The following SLC28A3 variants were observed in gnomAD, a reference collection of about 807,000 sequenced individuals.
The protein encoded by SLC28A3 is solute carrier family 28 member 3, also known as concentrative Na(+)-nucleoside cotransporter 3.
In SLC28A3, 68 loss-of-function variants were observed where a neutral mutation model predicts 84.2. That is an observed-to-expected ratio of 0.81 (90% CI 0.66 to 0.99). The LOEUF is 0.99. Among genes scored for constraint, SLC28A3 ranks in the 50% least tolerant of loss-of-function variants. The pLI is 0.00. For synonymous variants in SLC28A3, 267 were observed against 303.6 expected (o/e 0.88, Z 1.25); for missense variants, 712 against 841.5 (o/e 0.85, Z 1.90).
intron 1 of SLC28A3, among the ~76,000 whole-genome samples, chr9:84,318,232 G>A (rs1214805734): frequency 6.6e-6 from 1 of 152,182 alleles, no homozygotes; most frequent in Non-Finnish European, 1.5e-5. Context: ...TGTGGGTTTA[G>A]AGGCCAGGTA....
intron 3 of SLC28A3, among the ~76,000 whole-genome samples, chr9:84,308,473 G>C (rs375465790): frequency 6.6e-6 from 1 of 151,874 alleles, no homozygotes; most frequent in Non-Finnish European, 1.5e-5. Flanking sequence ...TTGAACCCGG[G>C]AGATGGAGGT....
At chr9:84,348,302 C>T in the SLC28A3 span, among the ~76,000 whole-genome samples, 2 of 149,348 alleles carry the variant, frequency 1.3e-5, no homozygotes, top group African/African-American at 2.5e-5. Flanking sequence ...TGCAGTGAGC[C>T]GAGATCACAG....
chr9:84,321,321 T>C (rs917361097), intron 1 of SLC28A3, among the ~76,000 whole-genome samples: 1 of 152,158 alleles, frequency 6.6e-6, no homozygotes, highest in Admixed American at 6.5e-5. Context: ...ACTTTCAGAC[T>C]GCAAGGTGAT....
At chr9:84,314,860 C>T (rs569148574) in intron 1 of SLC28A3, among the ~76,000 whole-genome samples, 32 of 152,154 alleles carry the variant, frequency 2.1e-4, no homozygotes, top group Non-Finnish European at 4.1e-4. Context: ...GGGCGGATCA[C>T]GAGGTCAGGA....
At chr9:84,297,834 G>A in intron 7 of SLC28A3, 72 bp downstream of exon 7, 2 of 1,256,016 alleles carry the variant, frequency 1.6e-6, no homozygotes, top group Non-Finnish European at 1.1e-6. Context: ...ACCCATTTCT[G>A]ACACGTCTTG....
intron 8 of SLC28A3, among the ~76,000 whole-genome samples, chr9:84,296,599 A>C (rs557531778): frequency 2.8e-4 from 42 of 152,348 alleles, no homozygotes; most frequent in Middle Eastern, 3.4e-3. Context: ...GGGAGCCTCA[A>C]GAAGGAACTG....
chr9:84,346,688 G>A, the SLC28A3 span, among the ~76,000 whole-genome samples: 2 of 152,178 alleles, frequency 1.3e-5, no homozygotes, highest in African/African-American at 4.8e-5. Context: ...TTTGACATAG[G>A]AAATGCTTCA....
At chr9:84,346,874 T>C in the SLC28A3 span, among the ~76,000 whole-genome samples, 2 of 152,096 alleles carry the variant, frequency 1.3e-5, no homozygotes, top group Non-Finnish European at 2.9e-5. Flanking sequence ...TGTATCACTT[T>C]AGTGAGAATC....
intron 1 of SLC28A3, among the ~76,000 whole-genome samples, chr9:84,327,785 G>A (rs1190292069): frequency 6.6e-6 from 1 of 151,964 alleles, no homozygotes; most frequent in Non-Finnish European, 1.5e-5. Context: ...GAGCATGGTG[G>A]CTTGCACCTG....
At chr9:84,313,088 G>A (rs1184764426) in intron 2 of SLC28A3, among the ~76,000 whole-genome samples, 1 of 152,188 alleles carries the variant, frequency 6.6e-6, no homozygotes, top group East Asian at 1.9e-4. Flanking sequence ...CTAAGCCAAT[G>A]CCTTTTTCCT....
the SLC28A3 span, among the ~76,000 whole-genome samples, chr9:84,352,902 A>C: frequency 6.6e-6 from 1 of 151,242 alleles, no homozygotes; most frequent in Non-Finnish European, 1.5e-5. Context: ...CAAAAAAAAA[A>C]AAAAAAAAAA....
chr9:84,360,189 C>A, the SLC28A3 span, among the ~76,000 whole-genome samples: 2 of 151,956 alleles, frequency 1.3e-5, no homozygotes, highest in Admixed American at 6.6e-5. Flanking sequence ...CATGGGAAGC[C>A]GCTGGGAGGT....
intron 1 of SLC28A3, among the ~76,000 whole-genome samples, chr9:84,320,040 GTTTTTTTTTT>G (rs1182939298): frequency 6.7e-5 from 4 of 59,564 alleles, no homozygotes; most frequent in South Asian, 4.9e-4. Flanking sequence ...GGCTTGCACT[GTTTTTTTTTT>G]TTTTTTTTTT....
the SLC28A3 span, among the ~76,000 whole-genome samples, chr9:84,356,118 A>C: frequency 9.9e-5 from 15 of 152,254 alleles, no homozygotes; most frequent in Admixed American, 9.8e-4. Context: ...TGCACCCAGC[A>C]CCTATTATTT....
At chr9:84,356,650 T>G in the SLC28A3 span, among the ~76,000 whole-genome samples, 2 of 151,998 alleles carry the variant, frequency 1.3e-5, no homozygotes, top group African/African-American at 4.8e-5. Flanking sequence ...GCCAATATGG[T>G]GAAACCCCGT....
intron 1 of SLC28A3, 81 bp downstream of exon 1, chr9:84,340,493 G>C: frequency 7.0e-7 from 1 of 1,425,080 alleles, no homozygotes; most frequent in Non-Finnish European, 9.9e-7. Flanking sequence ...TCCCTGCTTA[G>C]GTAAGAAACT....
intron 8 of SLC28A3, among the ~76,000 whole-genome samples, chr9:84,294,701 G>A (rs80284233): frequency 0.017 from 2,601 of 150,006 alleles, 69 homozygotes; most frequent in African/African-American, 0.055. Flanking sequence ...GGCATGGTAG[G>A]TGCTGACACA....
intron 17 of SLC28A3, among the ~76,000 whole-genome samples, chr9:84,278,609 T>C (rs1268959134): frequency 1.3e-5 from 2 of 152,118 alleles, no homozygotes; most frequent in African/African-American, 4.8e-5. Context: ...ACATTAAGGA[T>C]GGCACCTTGT....
the SLC28A3 span, among the ~76,000 whole-genome samples, chr9:84,356,165 G>T: frequency 1.3e-5 from 2 of 152,084 alleles, no homozygotes; most frequent in Non-Finnish European, 2.9e-5. Flanking sequence ...AATAGCCATA[G>T]ATAGCTATAT....
Sources: allele counts gnomAD v4.1 joint callset (sites outside exome capture counted in the v4.1 genomes callset), GRCh38; gene constraint gnomAD v4.1.1; transcripts MANE v1.5; gene names NCBI Gene and HGNC (gene_info 2026-07-23, HGNC 2026-07-21).